Variants in ALK observed in about 807,000 individuals in gnomAD.
ALK encodes the protein ALK tyrosine kinase receptor.
In ALK, 74 loss-of-function variants were observed where a neutral mutation model predicts 163.1. That is an observed-to-expected ratio of 0.45 (90% CI 0.38 to 0.55). The LOEUF (loss-of-function observed/expected upper bound fraction) is 0.55. Ranked by LOEUF, ALK falls within the 20% of genes least tolerant of loss-of-function variation. The pLI, the probability that ALK is intolerant of heterozygous loss-of-function variation, is 0.00. For missense variants in ALK, 2,063 were observed against 2,105.3 expected, an observed-to-expected ratio of 0.98 and a Z score of 0.39; for synonymous variants, 960 against 843.2, an observed-to-expected ratio of 1.14 and a Z score of -2.40.
chr2:29,763,267 A>G (rs79519109), intron 1 of ALK, among the ~76,000 whole-genome samples: 2,124 of 152,202 alleles, frequency 0.014, 55 homozygotes, highest in African/African-American at 0.049. Context: ...TGAGGAGTAC[A>G]TGAAATGCAT....
intron 5 of ALK, among the ~76,000 whole-genome samples, chr2:29,364,678 G>A (rs1366270224): frequency 6.6e-6 from 1 of 152,192 alleles, no homozygotes; most frequent in Non-Finnish European, 1.5e-5. Flanking sequence ...GGCTGGGTGA[G>A]GCCATCCTTG....
At chr2:29,503,792 C>T (rs972691370) in intron 4 of ALK, among the ~76,000 whole-genome samples, 2 of 151,930 alleles carry the variant, frequency 1.3e-5, no homozygotes, top group African/African-American at 4.8e-5. Flanking sequence ...ATTTATTTGG[C>T]ATTAAATTAA....
intron 5 of ALK, among the ~76,000 whole-genome samples, chr2:29,330,368 C>T (rs1014079910): frequency 6.6e-6 from 1 of 152,206 alleles, no homozygotes; most frequent in African/African-American, 2.4e-5. Context: ...CAGACACTGC[C>T]TGGCACAATC....
intron 14 of ALK, among the ~76,000 whole-genome samples, chr2:29,233,037 A>C (rs547669767): frequency 6.6e-6 from 1 of 152,208 alleles, no homozygotes; most frequent in Non-Finnish European, 1.5e-5. Context: ...AAGGCTGTGC[A>C]TGGTGAAATT....
chr2:29,242,155 G>A (rs574571812), intron 12 of ALK, among the ~76,000 whole-genome samples: 12 of 152,298 alleles, frequency 7.9e-5, no homozygotes, highest in Admixed American at 2.6e-4. Flanking sequence ...ACGATGTGGC[G>A]GCTTCCTGTA....
chr2:29,887,536 T>C (rs1251644934), intron 1 of ALK, among the ~76,000 whole-genome samples: 5 of 152,180 alleles, frequency 3.3e-5, no homozygotes, highest in Admixed American at 6.5e-5. Flanking sequence ...GGGAGGGACA[T>C]AGAGCCCATC....
Position 29,921,073 on chromosome 2 carries a change from C to T in ALK, c.-414G>A. Reference sequence around the variant, plus strand: ...AGCTGGGGTCTGTCCCCTCTCGGGGCAGCCTCCAATCTCTGCAACTTTTAA... The same window carrying T: ...AGCTGGGGTCTGTCCCCTCTCGGGGTAGCCTCCAATCTCTGCAACTTTTAA... On this transcript the variant is annotated 5_prime_UTR_variant, in exon 1 of 29. Coordinates refer to ENST00000389048, the MANE Select transcript of ALK (RefSeq NM_004304.5). The T allele has an allele frequency of 3.9e-6, 1 of 256,026 alleles. No individual in the cohort carries two copies. The highest frequency in any genetic ancestry group is 7.5e-6 in the Non-Finnish European group (1 of 133,386). 15.9% of individuals were successfully genotyped at this position (256,026 alleles called of 1,614,324 possible).
intron 11 of ALK, among the ~76,000 whole-genome samples, chr2:29,260,563 G>A (rs1013023961): frequency 8.5e-5 from 13 of 152,138 alleles, no homozygotes; most frequent in African/African-American, 2.9e-4. Flanking sequence ...TTGGCCAGGT[G>A]TGGTGACTCA....
At chr2:29,458,413 A>G (rs1445097975) in intron 4 of ALK, among the ~76,000 whole-genome samples, 1 of 152,116 alleles carries the variant, frequency 6.6e-6, no homozygotes, top group Non-Finnish European at 1.5e-5. Context: ...CGTTTATAGT[A>G]ATTTATCATC....
chr2:29,313,335 G>A (rs918288276), intron 8 of ALK, among the ~76,000 whole-genome samples: 2 of 152,200 alleles, frequency 1.3e-5, no homozygotes, highest in African/African-American at 4.8e-5. Context: ...GGCCGAGAAT[G>A]AGGCCCACCC....
intron 3 of ALK, among the ~76,000 whole-genome samples, chr2:29,584,674 G>A (rs1351417845): frequency 6.6e-6 from 1 of 152,186 alleles, no homozygotes; most frequent in Non-Finnish European, 1.5e-5. Context: ...TAGAATGGCT[G>A]GTTCGGTGTT....
intron 6 of ALK, among the ~76,000 whole-genome samples, chr2:29,325,455 A>C (rs1667224250): frequency 6.6e-6 from 1 of 152,202 alleles, no homozygotes; most frequent in Non-Finnish European, 1.5e-5. Flanking sequence ...TCAGAGTGTC[A>C]GTAGGCATCA....
intron 3 of ALK, among the ~76,000 whole-genome samples, chr2:29,593,909 T>C (rs1675130613): frequency 6.6e-6 from 1 of 152,224 alleles, no homozygotes; most frequent in Non-Finnish European, 1.5e-5. Context: ...AAGAAGATTG[T>C]TAAATACAGC....
At chr2:29,283,466 T>A (rs140881355) in intron 9 of ALK, among the ~76,000 whole-genome samples, 16 of 152,266 alleles carry the variant, frequency 1.1e-4, no homozygotes, top group Admixed American at 9.8e-4. Flanking sequence ...GGCTTGCGGC[T>A]TGGGGAGCTG....
chr2:29,476,896 G>C (rs1025340804), intron 4 of ALK, among the ~76,000 whole-genome samples: 1 of 152,190 alleles, frequency 6.6e-6, no homozygotes, highest in African/African-American at 2.4e-5. Context: ...TCTGGGTATT[G>C]ATCACCTTGC....
At chr2:29,899,554 C>G (rs1302245596) in intron 1 of ALK, 2 of 152,336 alleles carry the variant, frequency 1.3e-5, no homozygotes, top group Non-Finnish European at 2.9e-5. Flanking sequence ...GGGCTGGGCA[C>G]AGTGGATCAT....
intron 3 of ALK, among the ~76,000 whole-genome samples, chr2:29,594,595 A>AT (rs1290744647): frequency 6.6e-6 from 1 of 151,674 alleles, no homozygotes; most frequent in Admixed American, 6.6e-5. Flanking sequence ...TGCTTGGCTA[A>AT]TTTTTGTGTT....
At chr2:29,385,944 T>G (rs1011735223) in intron 4 of ALK, among the ~76,000 whole-genome samples, 8 of 152,250 alleles carry the variant, frequency 5.3e-5, no homozygotes, top group Non-Finnish European at 5.9e-5. Flanking sequence ...TCAAAATGTG[T>G]GCACATTTAG....
At chr2:29,234,691 G>A (rs781195076) in intron 13 of ALK, among the ~76,000 whole-genome samples, 2 of 152,112 alleles carry the variant, frequency 1.3e-5, no homozygotes, top group African/African-American at 2.4e-5. Context: ...TTTACTGAGC[G>A]TAGTACAAGT....
Sources: gnomAD v4.1 joint callset for allele counts (sites outside exome capture counted in the v4.1 genomes callset) on GRCh38, gnomAD v4.1.1 for gene constraint, MANE v1.5 for transcripts, NCBI Gene and HGNC (gene_info 2026-07-23, HGNC 2026-07-21) for gene names.